The following TMOD2 variants were observed in gnomAD, a reference collection of about 807,000 sequenced individuals.
The protein encoded by TMOD2 is tropomodulin 2.
Under a neutral mutation model 39.9 loss-of-function variants are expected in TMOD2, and 22 were observed. That is an observed-to-expected ratio of 0.55 (90% CI 0.39 to 0.79). The LOEUF is 0.79. TMOD2 is among the 30% of genes least tolerant of loss of function. The pLI is 0.00. For synonymous variants in TMOD2, 123 were observed against 146.1 expected (o/e 0.84, Z 1.14); for missense variants, 386 against 413.3 (o/e 0.93, Z 0.57).
chr15:51,773,899 C>T (rs2055870520), intron 4 of TMOD2, 65 bp downstream of exon 4: 1 of 1,526,432 alleles, frequency 6.6e-7, no homozygotes, highest in South Asian at 1.3e-5. Flanking sequence ...CACTGGCACC[C>T]ATGGCAGCAG....
intron 7 of TMOD2, among the ~76,000 whole-genome samples, chr15:51,795,755 C>G (rs1408435198): frequency 6.6e-6 from 1 of 151,732 alleles, no homozygotes; most frequent in Non-Finnish European, 1.5e-5. Flanking sequence ...TGGAAATATC[C>G]TCAGTGTTAT....
chr15:51,780,893 C>T (rs932545611), intron 5 of TMOD2, 151 bp from the exon 6 acceptor site: 2 of 626,150 alleles, frequency 3.2e-6, no homozygotes, highest in Non-Finnish European at 5.4e-6. Flanking sequence ...ATACCACTCC[C>T]ATGCTTGCTT....
chr15:51,758,735 G>A (rs2055759450), intron 1 of TMOD2, among the ~76,000 whole-genome samples: 1 of 152,128 alleles, frequency 6.6e-6, no homozygotes, highest in African/African-American at 2.4e-5. Context: ...GAGTGACCCA[G>A]ACCTTGTCTC....
Position 51,782,732 on chromosome 15 carries a change from T to G in TMOD2, c.636T>G (p.Ile212Met), listed in dbSNP as rs760439294. Residue 212 changes from isoleucine (I) to methionine (M), a missense_variant, in exon 7 of 10, where the codon ATT (isoleucine) becomes ATG (methionine). Physicochemically the swap from Ile to Met is conservative, Grantham distance 10 (BLOSUM62 1). Coordinates refer to ENST00000249700, the MANE Select transcript of TMOD2 (RefSeq NM_014548.4). ...VNLNNIKNIP[I>M]PTLREFAKAL... The stretch of plus-strand genomic sequence containing the variant: ...CCTCTCTGTCTTAGAACATTCCAAT[T>G]CCAACCCTGAGGGAATTTGCAAAGG... 1.9e-6 allele frequency: 3 copies of G among 1,613,900 alleles called. No homozygotes were observed. Among genetic ancestry groups the G allele is most frequent in the Non-Finnish European group, 2.5e-6 (3 of 1,179,792 alleles).
chr15:51,794,158 G>A (rs1567245071), intron 7 of TMOD2, among the ~76,000 whole-genome samples: 1 of 152,166 alleles, frequency 6.6e-6, no homozygotes, highest in African/African-American at 2.4e-5. Context: ...TTGACATCTA[G>A]TGAGTCTCAG....
intron 7 of TMOD2, chr15:51,783,207 G>A (rs1002179676): frequency 4.6e-5 from 9 of 193,898 alleles, no homozygotes; most frequent in Non-Finnish European, 9.6e-5. Flanking sequence ...GAAGTAGCTG[G>A]GCGCGGTAGC....
intron 8 of TMOD2, among the ~76,000 whole-genome samples, chr15:51,805,582 C>T (rs528077769): frequency 2.1e-4 from 32 of 152,234 alleles, no homozygotes; most frequent in Admixed American, 1.2e-3. Flanking sequence ...AACACAGTGA[C>T]AATAGAGTTA....
chr15:51,787,359 G>C (rs2055977827), intron 7 of TMOD2, among the ~76,000 whole-genome samples: 1 of 152,256 alleles, frequency 6.6e-6, no homozygotes, highest in African/African-American at 2.4e-5. Flanking sequence ...AGCTCGAACT[G>C]GGCGGGGCCC....
intron 7 of TMOD2, among the ~76,000 whole-genome samples, chr15:51,797,984 A>G (rs1479795092): frequency 6.6e-6 from 1 of 151,662 alleles, no homozygotes; most frequent in Non-Finnish European, 1.5e-5. Context: ...TTTTGCAAGT[A>G]TGTGAAATTT....
At chr15:51,772,210 A>G (rs990581944) in intron 3 of TMOD2, among the ~76,000 whole-genome samples, 1 of 152,176 alleles carries the variant, frequency 6.6e-6, no homozygotes, top group Non-Finnish European at 1.5e-5. Flanking sequence ...TTGGGTCCCA[A>G]TGGGCGGAAA....
chr15:51,752,356 G>A (rs554626318), intron 1 of TMOD2: 4 of 152,204 alleles, frequency 2.6e-5, no homozygotes, highest in Non-Finnish European at 5.9e-5. Context: ...AATGAAGGTG[G>A]ATTTTTAAAA....
intron 4 of TMOD2, 141 bp from the exon 5 acceptor site, chr15:51,776,791 G>A (rs1487380258): frequency 1.5e-6 from 1 of 651,884 alleles, no homozygotes; most frequent in African/African-American, 1.8e-5. Context: ...CGCTATACAT[G>A]TACCACACAC....
chr15:51,794,071 A>G (rs1174710371), intron 7 of TMOD2, among the ~76,000 whole-genome samples: 1 of 152,244 alleles, frequency 6.6e-6, no homozygotes, highest in Non-Finnish European at 1.5e-5. Context: ...TTCTCAACCT[A>G]GGGCAATTTT....
chr15:51,755,173 G>A (rs1160687706), intron 1 of TMOD2, among the ~76,000 whole-genome samples: 1 of 152,010 alleles, frequency 6.6e-6, no homozygotes, highest in Non-Finnish European at 1.5e-5. Flanking sequence ...TCAATTCTAC[G>A]TAACTTTAAG....
At chr15:51,799,329 A>G (rs1024895880) in intron 8 of TMOD2, among the ~76,000 whole-genome samples, 7 of 152,184 alleles carry the variant, frequency 4.6e-5, no homozygotes, top group Non-Finnish European at 1.0e-4. Flanking sequence ...TCTCTGGGAA[A>G]GTTCCTGGTG....
chr15:51,771,671 C>CAAAG (rs926719847), intron 3 of TMOD2, among the ~76,000 whole-genome samples: 5 of 151,974 alleles, frequency 3.3e-5, no homozygotes, highest in African/African-American at 7.3e-5. Flanking sequence ...TCTTTAAAAA[C>CAAAG]AAAGAAAGAA....
chr15:51,789,705 T>A (rs564827182), intron 7 of TMOD2, among the ~76,000 whole-genome samples: 1 of 152,310 alleles, frequency 6.6e-6, no homozygotes, highest in African/African-American at 2.4e-5. Flanking sequence ...GATTAAGAAC[T>A]CACTCAAAAC....
At chr15:51,781,821 A>AGT (rs145808079) in intron 6 of TMOD2, among the ~76,000 whole-genome samples, 46,997 of 148,972 alleles carry the variant, frequency 0.32, 7,424 homozygotes, top group Admixed American at 0.42. Context: ...AGAGAGAGAG[A>AGT]GAGTGTGTGT....
intron 7 of TMOD2, among the ~76,000 whole-genome samples, chr15:51,795,808 A>C (rs1367310969): frequency 6.6e-6 from 1 of 151,668 alleles, no homozygotes; most frequent in East Asian, 1.9e-4. Context: ...CTTATTTTGT[A>C]ATTCTAGATG....
Sources: allele counts gnomAD v4.1 joint callset (sites outside exome capture counted in the v4.1 genomes callset), GRCh38; gene constraint gnomAD v4.1.1; transcripts MANE v1.5; gene names NCBI Gene and HGNC (gene_info 2026-07-23, HGNC 2026-07-21).